Variants in CADM2 observed in about 807,000 individuals in gnomAD.
CADM2 encodes the protein immunoglobulin superfamily member 4D.
In CADM2, 12 loss-of-function variants were observed where a neutral mutation model predicts 49.8. That is an observed-to-expected ratio of 0.24 (90% CI 0.15 to 0.39). The LOEUF (loss-of-function observed/expected upper bound fraction) is 0.39, where lower values mean the gene tolerates loss of function less well. Ranked by LOEUF, CADM2 falls within the 10% of genes least tolerant of loss-of-function variation. The pLI, the probability that CADM2 is intolerant of heterozygous loss-of-function variation, is 1.00. For synonymous variants in CADM2, 214 were observed against 175.4 expected, an observed-to-expected ratio of 1.22 and a Z score of -1.74; for missense variants, 378 against 492.3, an observed-to-expected ratio of 0.77 and a Z score of 2.20.
chr3:85,021,343 TA>T (rs2034500887), intron 1 of CADM2, among the ~76,000 whole-genome samples: 1 of 152,160 alleles, frequency 6.6e-6, no homozygotes, highest in African/African-American at 2.4e-5. Context: ...AAAGTTAGTG[TA>T]GGTGATTTGT....
intron 1 of CADM2, among the ~76,000 whole-genome samples, chr3:85,269,846 G>GT (rs796597705): frequency 3.3e-5 from 5 of 151,162 alleles, no homozygotes; most frequent in African/African-American, 1.2e-4. Context: ...TTATATTTTT[G>GT]TTTTTTGTTT....
rs375789870 is a variant in CADM2 at position 85,282,715 on chromosome 3, A to G, written c.61+323047A>G. Among the ~76,000 whole-genome samples the G allele has an allele frequency of 1.8e-3, 273 of 152,204 alleles. 1 individual carries two copies. The highest frequency in any genetic ancestry group is 6.3e-3 in the African/African-American group (263 of 41,556). ...TTACAATATTCCTCAAAATGAGAAT[A>G]TTTGTTTTTATTTCATTCTGCATAT... is the stretch of plus-strand genomic sequence containing the variant. On this transcript the variant is annotated intron_variant, in intron 1 of 9. Transcript: ENST00000383699.
intron 1 of CADM2, among the ~76,000 whole-genome samples, chr3:85,637,122 T>G (rs1429242583): frequency 1.3e-5 from 2 of 151,932 alleles, no homozygotes; most frequent in African/African-American, 4.8e-5. Flanking sequence ...ATGTATATTC[T>G]TTTTTTTAAA....
intron 1 of CADM2, among the ~76,000 whole-genome samples, chr3:85,014,836 G>A (rs553402925): frequency 2.6e-4 from 40 of 152,170 alleles, no homozygotes; most frequent in African/African-American, 8.9e-4. Flanking sequence ...TTTCGGGCAC[G>A]CAAAACAACT....
chr3:85,570,296 T>G (rs2062437506), intron 1 of CADM2, among the ~76,000 whole-genome samples: 1 of 152,156 alleles, frequency 6.6e-6, no homozygotes, highest in African/African-American at 2.4e-5. Flanking sequence ...CATGAGTTAA[T>G]AATTACATAT....
At chr3:85,581,939 T>C (rs918496258) in intron 1 of CADM2, among the ~76,000 whole-genome samples, 5 of 152,090 alleles carry the variant, frequency 3.3e-5, no homozygotes, top group Non-Finnish European at 7.4e-5. Flanking sequence ...TTGTTTTGTT[T>C]TGTTTTTTAA....
chr3:86,046,609 A>G (rs1246651924), intron 8 of CADM2, among the ~76,000 whole-genome samples: 1 of 152,136 alleles, frequency 6.6e-6, no homozygotes, highest in African/African-American at 2.4e-5. Context: ...ACAGTAAAAA[A>G]TCACCAAGCT....
intron 1 of CADM2, among the ~76,000 whole-genome samples, chr3:85,326,233 A>G (rs2044746489): frequency 6.6e-6 from 1 of 152,160 alleles, no homozygotes; most frequent in African/African-American, 2.4e-5. Flanking sequence ...GTGTATATTT[A>G]AGTGATTCTA....
intron 1 of CADM2, among the ~76,000 whole-genome samples, chr3:85,656,480 G>A (rs149215220): frequency 6.6e-6 from 1 of 151,972 alleles, no homozygotes; most frequent in African/African-American, 2.4e-5. Context: ...TCCAGGAGTG[G>A]TGTCGTGCAC....
At chr3:85,895,818 C>T (rs188156687) in intron 5 of CADM2, among the ~76,000 whole-genome samples, 14 of 152,302 alleles carry the variant, frequency 9.2e-5, no homozygotes, top group Admixed American at 4.6e-4. Flanking sequence ...CTTTGCTCCT[C>T]CTGTGCTTTC....
At chr3:85,608,108 T>G (rs981833802) in intron 1 of CADM2, among the ~76,000 whole-genome samples, 5 of 152,278 alleles carry the variant, frequency 3.3e-5, no homozygotes, top group African/African-American at 1.2e-4. Flanking sequence ...TTGTCAATAT[T>G]CTATTTTCAA....
intron 1 of CADM2, among the ~76,000 whole-genome samples, chr3:85,568,479 C>CTTTCTTTCTT (rs1273188340): frequency 6.0e-5 from 3 of 50,188 alleles, no homozygotes; most frequent in African/African-American, 1.4e-4. Flanking sequence ...CTCTCTCTTT[C>CTTTCTTTCTT]TTTCTTTCTT....
intron 1 of CADM2, among the ~76,000 whole-genome samples, chr3:85,426,286 T>A (rs1170537335): frequency 7.2e-5 from 11 of 151,850 alleles, no homozygotes. Context: ...AGAACACAGA[T>A]GTGCACCATC....
intron 1 of CADM2, among the ~76,000 whole-genome samples, chr3:85,674,088 A>G (rs62261694): frequency 1.3e-5 from 2 of 152,166 alleles, no homozygotes; most frequent in Admixed American, 6.5e-5. Context: ...GCAGCAGTCA[A>G]CGAAACCACA....
chr3:85,089,518 C>A (rs559715862), intron 1 of CADM2, among the ~76,000 whole-genome samples: 2 of 152,208 alleles, frequency 1.3e-5, no homozygotes, highest in South Asian at 2.1e-4. Context: ...ATCAACTGAA[C>A]TTTTGACTCA....
intron 1 of CADM2, among the ~76,000 whole-genome samples, chr3:84,980,148 T>C (rs953115126): frequency 3.9e-5 from 6 of 152,176 alleles, no homozygotes; most frequent in Non-Finnish European, 8.8e-5. Flanking sequence ...TTTATAGGCG[T>C]TCTAGAAGGT....
At chr3:85,001,866 A>C (rs1429345952) in intron 1 of CADM2, among the ~76,000 whole-genome samples, 1 of 152,068 alleles carries the variant, frequency 6.6e-6, no homozygotes, top group Non-Finnish European at 1.5e-5. Flanking sequence ...CTCCTTCTTC[A>C]GCGAAGACAC....
At chr3:85,118,083 C>A (rs571439236) in intron 1 of CADM2, among the ~76,000 whole-genome samples, 78 of 151,854 alleles carry the variant, frequency 5.1e-4, no homozygotes, top group Non-Finnish European at 1.0e-3. Flanking sequence ...TTATTTTAAA[C>A]TTTTAATATT....
At chr3:85,722,524 A>G (rs1208262404) in intron 1 of CADM2, among the ~76,000 whole-genome samples, 1 of 152,220 alleles carries the variant, frequency 6.6e-6, no homozygotes, top group Non-Finnish European at 1.5e-5. Context: ...ATAGTGCTTT[A>G]GCTCTCCCTG....
Sources: allele counts gnomAD v4.1 joint callset (sites outside exome capture counted in the v4.1 genomes callset), GRCh38; gene constraint gnomAD v4.1.1; transcripts MANE v1.5; gene names NCBI Gene and HGNC (gene_info 2026-07-23, HGNC 2026-07-21).